The following NOL4L variants were observed in gnomAD, a reference collection of about 807,000 sequenced individuals.
NOL4L encodes nucleolar protein 4 like, also known as nucleolar protein 4-like.
A neutral mutation model predicts 64.5 loss-of-function variants in NOL4L; 7 were observed. The observed-to-expected ratio is 0.11, with a 90% CI of 0.06 to 0.20. NOL4L has a LOEUF of 0.20. NOL4L is among the 10% of genes least tolerant of loss of function. The pLI, the probability that NOL4L is intolerant of heterozygous loss-of-function variation, is 1.00. For missense variants in NOL4L, 680 were observed against 967.1 expected (o/e 0.70, Z 3.94); for synonymous variants, 413 against 401.0 (o/e 1.03, Z -0.36).
chr20:32,488,821 CTTTCTTTTTCTTTCTTTCTTTCTTTCTT>C (rs2016286227), intron 4 of NOL4L, among the ~76,000 whole-genome samples: 33 of 31,144 alleles, frequency 1.1e-3, no homozygotes, highest in Non-Finnish European at 1.6e-3. Context: ...TTCTTTCTTT[CTTTCTTTTTCTTTCTTTCTTTCTTTCTT>C]TCTTTCTTTC....
intron 1 of NOL4L, among the ~76,000 whole-genome samples, chr20:32,557,651 A>T (rs754396884): frequency 6.6e-6 from 1 of 152,252 alleles, no homozygotes; most frequent in African/African-American, 2.4e-5. Context: ...TTGCCTACAC[A>T]TGCATCAAAT....
chr20:32,554,591 C>T (rs1037601604), intron 1 of NOL4L, among the ~76,000 whole-genome samples: 4 of 152,096 alleles, frequency 2.6e-5, no homozygotes, highest in Non-Finnish European at 5.9e-5. Context: ...TGAGGATCCA[C>T]CCCTGGTCCT....
In NOL4L at chr20:32,481,967, G is replaced by GGT. The variant is rs1395080562; in HGVS notation, c.700-7226_700-7225insAC. Among the ~76,000 whole-genome samples, 405 of 150,464 alleles carry GGT rather than the reference G, an allele frequency of 2.7e-3. 8 individuals carry two copies. Among genetic ancestry groups the GGT allele is most frequent in the Non-Finnish European group, 4.4e-3 (296 of 67,328 alleles). ...TGTGTGAGTTGGTGGGGCGGGGCGG[G>GGT]GGGGGGGGAGCAGGCTGGGGTTGCC... On this transcript the variant is annotated intron_variant, in intron 4 of 10. Coordinates refer to ENST00000621426, the MANE Select transcript of NOL4L (RefSeq NM_001256798.2).
chr20:32,536,921 T>C (rs1383269767), intron 1 of NOL4L, among the ~76,000 whole-genome samples: 12 of 146,172 alleles, frequency 8.2e-5, no homozygotes, highest in Admixed American at 8.1e-4. Flanking sequence ...CTCCAGCCTC[T>C]AGGCGCGCGC....
At chr20:32,494,455 C>T (rs935192274) in intron 4 of NOL4L, among the ~76,000 whole-genome samples, 1 of 151,992 alleles carries the variant, frequency 6.6e-6, no homozygotes, top group Non-Finnish European at 1.5e-5. Flanking sequence ...TCTCTTCTTC[C>T]TCCCCACTTT....
intron 4 of NOL4L, among the ~76,000 whole-genome samples, chr20:32,487,379 G>A (rs1230707181): frequency 6.6e-6 from 1 of 151,790 alleles, no homozygotes; most frequent in Non-Finnish European, 1.5e-5. Context: ...GGCAGAGGAT[G>A]GGGGTGGAAT....
intron 1 of NOL4L, among the ~76,000 whole-genome samples, chr20:32,554,219 G>C (rs1978498985): frequency 6.6e-6 from 1 of 151,506 alleles, no homozygotes; most frequent in Non-Finnish European, 1.5e-5. Context: ...TACTCGGGAG[G>C]CTGAGGCAGG....
At chr20:32,448,482 C>A (rs1568586091) in intron 10 of NOL4L, among the ~76,000 whole-genome samples, 1 of 152,168 alleles carries the variant, frequency 6.6e-6, no homozygotes, top group South Asian at 2.1e-4. Flanking sequence ...CATAACTGCA[C>A]CCCCAGGAGG....
At chr20:32,513,833 C>T in intron 3 of NOL4L, among the ~76,000 whole-genome samples, 1 of 152,152 alleles carries the variant, frequency 6.6e-6, no homozygotes, top group East Asian at 1.9e-4. Context: ...GTGACAGAGA[C>T]TGTGTCTCAA....
intron 4 of NOL4L, among the ~76,000 whole-genome samples, chr20:32,503,763 G>A (rs900255329): frequency 6.6e-6 from 1 of 152,122 alleles, no homozygotes. Context: ...CCTCCCCAAT[G>A]GCAGACCTCC....
chr20:32,498,783 A>AAG (rs902853091), intron 4 of NOL4L, among the ~76,000 whole-genome samples: 1 of 151,276 alleles, frequency 6.6e-6, no homozygotes, highest in Non-Finnish European at 1.5e-5. Flanking sequence ...AAAAAAAAAA[A>AAG]AAAAGAAATG....
intron 1 of NOL4L, chr20:32,536,385 G>A (rs2018524247): frequency 1.1e-6 from 1 of 875,434 alleles, no homozygotes; most frequent in African/African-American, 1.8e-5. Flanking sequence ...GGAAGAGGTG[G>A]GGCTGGAGGG....
rs1239016084 is a variant in NOL4L, at chr20:32,463,167, A to C, written c.842-6772T>G. On this transcript the variant is annotated intron_variant, in intron 5 of 10. Coordinates refer to ENST00000621426, the MANE Select transcript of NOL4L (RefSeq NM_001256798.2). The surrounding 1 kb of genome is among the most constrained non-coding windows in gnomAD (Gnocchi z 5.8). ...CATGGGCACCGAAGCCCCAGCACAC[A>C]GGCCTCACGGGGTGCAGGCCTCCAG... Among the ~76,000 whole-genome samples, 1 of 152,186 alleles carries C rather than the reference A, an allele frequency of 6.6e-6. No individual in the cohort carries two copies. Among genetic ancestry groups the C allele is most frequent in the Non-Finnish European group, 1.5e-5 (1 of 68,030 alleles).
chr20:32,509,889 G>T, intron 4 of NOL4L: 1 of 1,304,346 alleles, frequency 7.7e-7, no homozygotes. Flanking sequence ...GCACAGATGA[G>T]CACGGTGATA....
chr20:32,526,084 T>A lies in NOL4L; in HGVS notation c.477+1674A>T, dbSNP rs529928019. Among the ~76,000 whole-genome samples, 10 of 151,458 alleles carry A rather than the reference T, an allele frequency of 6.6e-5. No homozygotes were observed. In the South Asian group the frequency reaches 1.7e-3, roughly 25 times the overall value. On this transcript the variant is annotated intron_variant, in intron 2 of 10. Coordinates refer to ENST00000621426, the MANE Select transcript of NOL4L (RefSeq NM_001256798.2). The stretch of plus-strand genomic sequence containing the variant: ...CAATTTTTTTTTTTAAGAGAAGGGG[T>A]CTTGCTATGGTGCCCAGGTTGGTCT...
chr20:32,581,885 GGT>G (rs372938511), intron 1 of NOL4L: 43 of 149,678 alleles, frequency 2.9e-4, no homozygotes, highest in South Asian at 4.2e-4. Flanking sequence ...GGGGTGAGGG[GGT>G]GTGTGTGTGT....
At chr20:32,476,182 C>A (rs2015380096) in intron 4 of NOL4L, among the ~76,000 whole-genome samples, 1 of 142,750 alleles carries the variant, frequency 7.0e-6, no homozygotes, top group Non-Finnish European at 1.5e-5. Context: ...TGAAAACTCG[C>A]TCACACACCC....
intron 4 of NOL4L, among the ~76,000 whole-genome samples, chr20:32,496,986 AC>A (rs1178185247): frequency 7.0e-6 from 1 of 142,126 alleles, no homozygotes; most frequent in Non-Finnish European, 1.5e-5. Flanking sequence ...CGGGATCCAC[AC>A]CCAGTCACCC....
At chr20:32,470,734 G>A (rs1489434423) in intron 5 of NOL4L, among the ~76,000 whole-genome samples, 1 of 152,266 alleles carries the variant, frequency 6.6e-6, no homozygotes, top group Admixed American at 6.5e-5. Context: ...ACTGTGGCAG[G>A]AGCTGGCCCG....
Sources: allele counts gnomAD v4.1 joint callset (sites outside exome capture counted in the v4.1 genomes callset), GRCh38; gene constraint gnomAD v4.1.1; non-coding constraint Gnocchi (gnomAD v3.1); transcripts MANE v1.5; gene names NCBI Gene and HGNC (gene_info 2026-07-23, HGNC 2026-07-21).